FANCC: variants seen among roughly 807,000 people sequenced by gnomAD.
The protein encoded by FANCC is Fanconi anemia group C protein.
Under a neutral mutation model 71.3 loss-of-function variants are expected in FANCC, and 55 were observed. The ratio of observed to expected loss-of-function variants is 0.77; its 90% CI spans 0.62 to 0.97. The LOEUF is 0.97. Among genes scored for constraint, FANCC ranks in the 50% least tolerant of loss-of-function variants. FANCC has a pLI of 0.00. For missense variants in FANCC, 678 were observed against 670.9 expected (o/e 1.01, Z -0.12); for synonymous variants, 275 against 244.9 (o/e 1.12, Z -1.15).
intron 9 of FANCC, among the ~76,000 whole-genome samples, chr9:95,125,453 T>C (rs1825830453): frequency 6.6e-6 from 1 of 152,188 alleles, no homozygotes; most frequent in African/African-American, 2.4e-5. Flanking sequence ...CAGGCTTGCA[T>C]ACTCTGTACA....
intron 1 of FANCC, chr9:95,292,349 G>A (rs1588427209): frequency 2.1e-6 from 2 of 931,328 alleles, no homozygotes; most frequent in Non-Finnish European, 2.6e-6. Flanking sequence ...TGGCGGCCTC[G>A]GAGGCGGTGG....
chr9:95,284,958 T>C (rs1307964106), intron 1 of FANCC, among the ~76,000 whole-genome samples: 3 of 125,906 alleles, frequency 2.4e-5, no homozygotes, highest in East Asian at 4.8e-4. Flanking sequence ...ACAGAAAAAA[T>C]AAATCTGAGC....
intron 12 of FANCC, 93 bp downstream of exon 12, chr9:95,114,536 A>G (rs1259086228): frequency 1.8e-6 from 2 of 1,123,348 alleles, no homozygotes; most frequent in African/African-American, 3.1e-5. Flanking sequence ...CAGACCAGTA[A>G]TGCCTTCCTC....
chr9:95,139,512 T>G (rs112456686), intron 7 of FANCC, among the ~76,000 whole-genome samples: 1 of 152,156 alleles, frequency 6.6e-6, no homozygotes, highest in Non-Finnish European at 1.5e-5. Flanking sequence ...CACTGCAGTG[T>G]GCACCCACGG....
intron 6 of FANCC, among the ~76,000 whole-genome samples, chr9:95,166,052 T>C (rs1564714237): frequency 6.6e-6 from 1 of 152,028 alleles, no homozygotes. Flanking sequence ...TAGTTTGATA[T>C]AAGTATGGCT....
At chr9:95,248,344 A>G (rs1831123384) in intron 2 of FANCC, among the ~76,000 whole-genome samples, 1 of 152,202 alleles carries the variant, frequency 6.6e-6, no homozygotes, top group African/African-American at 2.4e-5. Context: ...TATAAAGGTC[A>G]AGTTACGTAT....
At chr9:95,137,905 G>C (rs1827951760) in intron 7 of FANCC, among the ~76,000 whole-genome samples, 1 of 152,260 alleles carries the variant, frequency 6.6e-6, no homozygotes, top group Admixed American at 6.5e-5. Context: ...GGCAGAGAGA[G>C]GAGAGGAGTG....
At chr9:95,272,174 G>A (rs554341280) in intron 1 of FANCC, among the ~76,000 whole-genome samples, 3 of 151,660 alleles carry the variant, frequency 2.0e-5, no homozygotes, top group East Asian at 3.9e-4. Context: ...TCCTGACCTC[G>A]TGATTCGCCT....
intron 1 of FANCC, among the ~76,000 whole-genome samples, chr9:95,290,026 T>C (rs1833912738): frequency 6.6e-6 from 1 of 152,100 alleles, no homozygotes; most frequent in African/African-American, 2.4e-5. Context: ...TTCCAGAAAA[T>C]TGGTCTTCAT....
At chr9:95,145,185 A>C (rs1829361784) in intron 7 of FANCC, 1 of 152,246 alleles carries the variant, frequency 6.6e-6, no homozygotes, top group African/African-American at 2.4e-5. Context: ...AACTGTAAGA[A>C]CAACGGTGGT....
At chr9:95,115,927 G>A (rs1002112721) in intron 11 of FANCC, among the ~76,000 whole-genome samples, 1 of 152,160 alleles carries the variant, frequency 6.6e-6, no homozygotes, top group Non-Finnish European at 1.5e-5. Context: ...ATAAATTTCT[G>A]ATAAACAGAA....
chr9:95,117,200 A>G, intron 11 of FANCC, 115 bp downstream of exon 11: 1 of 931,388 alleles, frequency 1.1e-6, no homozygotes, highest in Non-Finnish European at 1.7e-6. Context: ...GATCTTAGAA[A>G]TAACCAGTTC....
intron 1 of FANCC, among the ~76,000 whole-genome samples, chr9:95,273,963 T>G (rs1292479033): frequency 2.0e-5 from 3 of 152,218 alleles, no homozygotes; most frequent in South Asian, 2.1e-4. Flanking sequence ...ATTGTATCAC[T>G]TTAGAATTTG....
At chr9:95,244,748 G>A (rs1456240589) in intron 3 of FANCC, among the ~76,000 whole-genome samples, 5 of 132,494 alleles carry the variant, frequency 3.8e-5, no homozygotes, top group Non-Finnish European at 7.8e-5. Flanking sequence ...GAATTAATAT[G>A]TATGTGCAAG....
intron 1 of FANCC, among the ~76,000 whole-genome samples, chr9:95,269,996 C>T (rs978904260): frequency 6.6e-6 from 1 of 152,144 alleles, no homozygotes; most frequent in Admixed American, 6.5e-5. Context: ...CTGCACCGCC[C>T]TTAATCCATT....
intron 4 of FANCC, among the ~76,000 whole-genome samples, chr9:95,210,622 G>A (rs943404412): frequency 6.6e-5 from 10 of 152,188 alleles, no homozygotes; most frequent in Admixed American, 3.3e-4. Context: ...CTGTAATTTC[G>A]AAAAGTTATA....
At position 95,150,044 on chromosome 9, in the gene FANCC, G is replaced by T. The variant is rs377620735; in HGVS notation, c.565C>A (p.Pro189Thr). 1.1e-5 allele frequency: 18 copies of T among 1,613,956 alleles called. No individual in the cohort carries two copies. Among genetic ancestry groups the T allele is most frequent in the Non-Finnish European group, 1.5e-5 (18 of 1,180,032 alleles). ...TCAACATCTGTCAGGGTAATAAGTG[G>T]GACACAAACTCGTGACAGGGACGCC... ...RVASLSRVCV[P>T]LITLTDVDPL... The change falls in exon 7 of 15, where the codon CCA becomes ACA. Residue 189 changes from proline (P) to threonine (T), a missense_variant. Physicochemically the swap from Pro to Thr is conservative, Grantham distance 38. Coordinates refer to ENST00000289081, the MANE Select transcript of FANCC (RefSeq NM_000136.3).
At chr9:95,314,951 A>T (rs991863539) in intron 1 of FANCC, among the ~76,000 whole-genome samples, 1 of 152,194 alleles carries the variant, frequency 6.6e-6, no homozygotes, top group Non-Finnish European at 1.5e-5. Context: ...AAAATAACAA[A>T]CTGATACTAA....
chr9:95,231,219 A>T (rs1216927522), intron 4 of FANCC, among the ~76,000 whole-genome samples: 3 of 152,196 alleles, frequency 2.0e-5, no homozygotes, highest in African/African-American at 4.8e-5. Context: ...CTTTTCTGAG[A>T]TCTATATGCA....
Sources: allele counts gnomAD v4.1 joint callset (sites outside exome capture counted in the v4.1 genomes callset), GRCh38; gene constraint gnomAD v4.1.1; transcripts MANE v1.5; gene names NCBI Gene and HGNC (gene_info 2026-07-23, HGNC 2026-07-21).